The following OPTN variants were observed in gnomAD, a reference collection of about 807,000 sequenced individuals.
OPTN encodes optineurin.
A neutral mutation model predicts 70.4 loss-of-function variants in OPTN; 54 were observed. The ratio of observed to expected loss-of-function variants is 0.77; its 90% confidence interval spans 0.62 to 0.96. OPTN has a LOEUF of 0.96. Among genes scored for constraint, OPTN ranks in the 40% least tolerant of loss-of-function variants. The pLI is 0.00. For synonymous variants in OPTN, 256 were observed against 248.5 expected (o/e 1.03, Z -0.28); for missense variants, 624 against 673.2 (o/e 0.93, Z 0.81).
At chr10:13,129,715 C>T (rs1246565823) in intron 12 of OPTN, among the ~76,000 whole-genome samples, 1 of 152,162 alleles carries the variant, frequency 6.6e-6, no homozygotes, top group East Asian at 1.9e-4. Flanking sequence ...TCTAAAACTG[C>T]CTAACCAAAA....
chr10:13,103,956 T>C (rs1786110754), intron 1 of OPTN, among the ~76,000 whole-genome samples: 1 of 152,244 alleles, frequency 6.6e-6, no homozygotes, highest in Admixed American at 6.5e-5. Flanking sequence ...TCTAGGTCAG[T>C]TGATTATGGG....
Position 13,133,870 on chromosome 10 carries a change from G to A in OPTN, c.1612+289G>A, listed in dbSNP as rs189793464. ...GTCGTCCAGGCTGGAGTGCAGTGGC[G>A]AGATCTCGGCTCACTGCAACCTCCA... On this transcript the variant is annotated intron_variant, in intron 14 of 14. Coordinates refer to ENST00000378747, the MANE Select transcript of OPTN (RefSeq NM_001008212.2). 2.3e-3 allele frequency among the ~76,000 whole-genome samples: 345 copies of A among 151,762 alleles called. 2 individuals carry two copies. The highest frequency in any genetic ancestry group is 8.1e-3 in the African/African-American group (333 of 41,354).
chr10:13,127,497 A>G (rs1235608927), intron 11 of OPTN, among the ~76,000 whole-genome samples: 1 of 152,034 alleles, frequency 6.6e-6, no homozygotes, highest in Non-Finnish European at 1.5e-5. Context: ...AACTTTCTGA[A>G]TAAGTTAGCG....
chr10:13,120,822 G>C (rs1278667883), intron 7 of OPTN, among the ~76,000 whole-genome samples: 2 of 152,148 alleles, frequency 1.3e-5, no homozygotes, highest in African/African-American at 4.8e-5. Flanking sequence ...GCCTGAGACT[G>C]GGTAATTTAT....
intron 13 of OPTN, 84 bp downstream of exon 13, chr10:13,132,281 A>T (rs1833609501): frequency 6.6e-7 from 1 of 1,525,706 alleles, no homozygotes; most frequent in South Asian, 1.1e-5. Flanking sequence ...TCCTGATTTG[A>T]ACTATAAGAA....
intron 12 of OPTN, among the ~76,000 whole-genome samples, chr10:13,128,724 G>C (rs1229123625): frequency 6.6e-6 from 1 of 151,500 alleles, no homozygotes; most frequent in East Asian, 1.9e-4. Flanking sequence ...TGTATTTTTA[G>C]TAGAGATGGG....
At chr10:13,124,292 G>C (rs1042900468) in intron 9 of OPTN, among the ~76,000 whole-genome samples, 182 bp downstream of exon 9, 1 of 152,230 alleles carries the variant, frequency 6.6e-6, no homozygotes, top group Non-Finnish European at 1.5e-5. Flanking sequence ...ATACTTGTAA[G>C]ATGGGGGGTT....
chr10:13,112,324 G>A, intron 4 of OPTN, 129 bp from the exon 5 acceptor site: 3 of 838,258 alleles, frequency 3.6e-6, no homozygotes, highest in South Asian at 2.9e-5. Flanking sequence ...GCCCAGGCTG[G>A]TCTCAAAATC....
chr10:13,113,525 G>A (rs1833056477), intron 5 of OPTN, among the ~76,000 whole-genome samples: 1 of 152,112 alleles, frequency 6.6e-6, no homozygotes, highest in South Asian at 2.1e-4. Context: ...AAATTTCTCT[G>A]CAACCCCAGA....
intron 1 of OPTN, among the ~76,000 whole-genome samples, chr10:13,101,703 A>C (rs1484161474): frequency 6.6e-6 from 1 of 152,210 alleles, no homozygotes; most frequent in African/African-American, 2.4e-5. Flanking sequence ...GGAGCATTAG[A>C]ATCTGTGTTA....
At chr10:13,101,407 CACCCA>C (rs1473607529) in intron 1 of OPTN, among the ~76,000 whole-genome samples, 52 of 130,262 alleles carry the variant, frequency 4.0e-4, no homozygotes, top group African/African-American at 5.8e-4. Flanking sequence ...CCCACCCCCC[CACCCA>C]CCCCCGGAAA....
rs375327512 is a variant in OPTN, at chr10:13,114,758, TTGCA to T, written c.553-1507_553-1504del. ...TAGAATATATTCTACAATTATATAA[TTGCA>T]TATATAATTATATAATTATATAATT... On this transcript the variant is annotated intron_variant, in intron 5 of 14. Transcript: ENST00000378747. Among the ~76,000 whole-genome samples the T allele has an allele frequency of 9.9e-3, 476 of 48,304 alleles. 22 individuals carry two copies. The highest frequency in any genetic ancestry group is 0.03 in the African/African-American group (454 of 15,352). The allele number at this position is 48,304 out of a possible 152,430, so 31.7% of individuals were successfully genotyped here.
intron 5 of OPTN, among the ~76,000 whole-genome samples, chr10:13,113,151 C>G (rs758133242): frequency 4.6e-5 from 7 of 152,028 alleles, no homozygotes; most frequent in Non-Finnish European, 1.5e-5. Flanking sequence ...CCTCCCAAGT[C>G]GCTGGGACTA....
At position 13,103,742 on chromosome 10, in the gene OPTN, G is replaced by GCACACA. The variant is rs771828062; in HGVS notation, c.-164+3461_-164+3466dup. Among the ~76,000 whole-genome samples, 265 of 64,890 alleles carry GCACACA rather than the reference G, an allele frequency of 4.1e-3. 2 individuals are homozygous for GCACACA. Among genetic ancestry groups the GCACACA allele is most frequent in the Middle Eastern group, 8.6e-3 (1 of 116 alleles). 42.6% of individuals were successfully genotyped at this position (64,890 alleles called of 152,430 possible). On this transcript the variant is annotated intron_variant, in intron 1 of 14. Transcript: ENST00000378747. ...AATTTAAATGTATATACACACACATGCACACACACACACACACACACACAC... is the reference window on the plus strand; with the variant it reads ...AATTTAAATGTATATACACACACATGCACACACACACACACACACACACACACACAC...
At chr10:13,129,121 A>C (rs1350411009) in intron 12 of OPTN, among the ~76,000 whole-genome samples, 2 of 152,168 alleles carry the variant, frequency 1.3e-5, no homozygotes, top group Non-Finnish European at 2.9e-5. Context: ...AACCATTTGA[A>C]ATTGGCTTTT....
At chr10:13,109,426 G>C (rs1171019193) in intron 3 of OPTN, 138 bp downstream of exon 3, 2 of 838,442 alleles carry the variant, frequency 2.4e-6, no homozygotes, top group Middle Eastern at 3.5e-4. Context: ...ACAGGATTTA[G>C]CATTTGGCAA....
At chr10:13,110,217 C>T (rs562730214) in intron 3 of OPTN, 57 bp from the exon 4 acceptor site, 1 of 1,598,428 alleles carries the variant, frequency 6.3e-7, no homozygotes, top group African/African-American at 1.3e-5. Flanking sequence ...AGATTTGGTT[C>T]ATCAGATCAA....
intron 6 of OPTN, among the ~76,000 whole-genome samples, chr10:13,118,592 C>T (rs548282969): frequency 4.3e-4 from 65 of 152,218 alleles, no homozygotes; most frequent in East Asian, 7.7e-4. Context: ...TGAACTGTTC[C>T]GTGAGTTTTG....
intron 4 of OPTN, 120 bp downstream of exon 4, chr10:13,110,596 T>G (rs1468102199): frequency 9.9e-7 from 1 of 1,009,828 alleles, no homozygotes; most frequent in Non-Finnish European, 1.5e-6. Flanking sequence ...GATTGGTGTT[T>G]TGCCTGGTCT....
Sources: allele counts gnomAD v4.1 joint callset (sites outside exome capture counted in the v4.1 genomes callset), GRCh38; gene constraint gnomAD v4.1.1; transcripts MANE v1.5; gene names NCBI Gene and HGNC (gene_info 2026-07-23, HGNC 2026-07-21).